Variants in COL4A1 observed in about 807,000 individuals in gnomAD.
COL4A1 encodes the protein collagen alpha-1(IV) chain.
Under a neutral mutation model 216.6 loss-of-function variants are expected in COL4A1, and 40 were observed. The ratio of observed to expected loss-of-function variants is 0.18; its 90% CI spans 0.14 to 0.24. COL4A1 has a LOEUF of 0.24. Among genes scored for constraint, COL4A1 ranks in the 10% least tolerant of loss-of-function variants. The probability of loss-of-function intolerance (pLI) is 1.00; values close to 1 mark genes in which losing one functional copy is unlikely to be tolerated. For synonymous variants in COL4A1, 839 were observed against 810.7 expected (o/e 1.03, Z -0.59); for missense variants, 1,628 against 2,196.8 (o/e 0.74, Z 5.18).
chr13:110,222,690 A>G (rs569717095), intron 2 of COL4A1, among the ~76,000 whole-genome samples: 29 of 142,122 alleles, frequency 2.0e-4, no homozygotes, highest in South Asian at 9.7e-4. Flanking sequence ...AGAGAATGGC[A>G]TGAACCAGGG....
chr13:110,282,370 A>G (rs1883665461), intron 1 of COL4A1, among the ~76,000 whole-genome samples: 1 of 152,176 alleles, frequency 6.6e-6, no homozygotes. Context: ...ACTCTTAGGT[A>G]TTATCACTTT....
Position 110,186,644 on chromosome 13 carries a change from T to A in COL4A1, c.1729-91A>T, listed in dbSNP as rs116821113. ...TCTTCTGACATTTGTGGTCAATAAG[T>A]ACTAGAGTTAACTGGCTCACACTAT... On this transcript the variant is annotated intron_variant, in intron 25 of 51. Coordinates refer to ENST00000375820, the MANE Select transcript of COL4A1 (RefSeq NM_001845.6). 1,479 of 1,491,836 alleles carry A rather than the reference T, an allele frequency of 9.9e-4. 14 individuals carry two copies. In the African/African-American group the frequency reaches 0.019, roughly 19 times the overall value. The allele number at this position is 1,491,836 out of a possible 1,614,324, so 92.4% of individuals were successfully genotyped here. A position where few individuals can be genotyped will look rare whatever the true frequency, so the allele number is the denominator to read the frequency against.
chr13:110,228,696 C>A (rs1462003573), intron 2 of COL4A1, among the ~76,000 whole-genome samples: 1 of 152,214 alleles, frequency 6.6e-6, no homozygotes, highest in Admixed American at 6.5e-5. Flanking sequence ...GGTTCACGGC[C>A]TTATCCAATA....
At chr13:110,238,006 TAGAC>T (rs928270070) in intron 2 of COL4A1, among the ~76,000 whole-genome samples, 1 of 152,232 alleles carries the variant, frequency 6.6e-6, no homozygotes, top group African/African-American at 2.4e-5. Flanking sequence ...ATACACATTT[TAGAC>T]AGACAGATAG....
intron 1 of COL4A1, among the ~76,000 whole-genome samples, chr13:110,292,611 G>A (rs1031804323): frequency 3.3e-5 from 5 of 152,192 alleles, no homozygotes; most frequent in African/African-American, 9.7e-5. Flanking sequence ...GGGAGGCAAG[G>A]CATGTCTTAC....
chr13:110,227,387 GACACACACACACAC>G (rs373355054), intron 2 of COL4A1, among the ~76,000 whole-genome samples: 6 of 138,774 alleles, frequency 4.3e-5, no homozygotes, highest in Admixed American at 7.3e-5. Context: ...GGGTACGGTA[GACACACACACACAC>G]ACACACACAC....
rs754872910 is a variant in COL4A1 at position 110,162,218 on chromosome 13, C to T, written c.4462+12G>A. On this transcript the variant is annotated intron_variant, in intron 48 of 51. Transcript: ENST00000375820. ...TACACTGAATGAATGCATGGATCTGCAGGCTTCTTACCCAAGTCCTGGCCA... is the reference window on the plus strand; with the variant it reads ...TACACTGAATGAATGCATGGATCTGTAGGCTTCTTACCCAAGTCCTGGCCA... 3.1e-6 allele frequency: 5 copies of T among 1,612,240 alleles called. No homozygotes were observed. In the Admixed American group the frequency reaches 5.0e-5, roughly 16 times the overall value.
chr13:110,206,603 C>T, intron 15 of COL4A1, 62 bp downstream of exon 15: 1 of 1,559,192 alleles, frequency 6.4e-7, no homozygotes, highest in Non-Finnish European at 8.8e-7. Flanking sequence ...TTCTGTGAAT[C>T]TGCGATTTTC....
chr13:110,183,221 T>A lies in COL4A1; in HGVS notation c.1953A>T (p.Glu651Asp). The A allele has an allele frequency of 6.2e-7, 1 of 1,613,840 alleles. No individual in the cohort carries two copies. The highest frequency in any genetic ancestry group is 1.1e-5 in the South Asian group (1 of 91,050). ...IVPLPGPPGA[E>D]GLPGSPGFPG... ...GGAAGCCTGGGGACCCCGGCAGTCC[T>A]TCTGCTCCAGGGGGGCCTGGTAAAG... is the stretch of plus-strand genomic sequence containing the variant. The change falls in exon 27 of 52, where the codon GAA (glutamate) becomes GAT (aspartate). Residue 651 changes from glutamate (E) to aspartate (D), a missense_variant. Around this residue, in one of 8 missense-constraint regions of COL4A1, gnomAD observed 701 missense variants for 892.5 expected, o/e 0.79. Transcript: ENST00000375820.
chr13:110,152,414 A>T lies in COL4A1; in HGVS notation c.4848T>A (p.Cys1616Ter). The T allele has an allele frequency of 6.2e-7, 1 of 1,614,208 alleles. No homozygotes were observed. The highest frequency in any genetic ancestry group is 8.5e-7 in the Non-Finnish European group (1 of 1,180,048). The change falls in exon 51 of 52, where the codon TGT becomes TGA. Residue 1616 changes from cysteine to a stop codon, truncating the protein, a stop_gained. Transcript: ENST00000375820. LOFTEE classifies it high-confidence loss of function. ...EEFRSAPFIE[C>*]HGRGTCNYYA... is the part of the protein sequence containing the mutation. ...AGTAATTGCAGGTCCCACGGCCGTG[A>T]CACTCGATGAATGGCGCACTTCTAA...
chr13:110,248,123 T>A (rs1881911249), intron 1 of COL4A1, among the ~76,000 whole-genome samples: 1 of 152,168 alleles, frequency 6.6e-6, no homozygotes, highest in Admixed American at 6.5e-5. Flanking sequence ...TGTGCAAAAA[T>A]GTCAAAATAC....
At chr13:110,269,035 A>G (rs1306186198) in intron 1 of COL4A1, among the ~76,000 whole-genome samples, 1 of 152,232 alleles carries the variant, frequency 6.6e-6, no homozygotes, top group Non-Finnish European at 1.5e-5. Flanking sequence ...CAGGCTCACC[A>G]CGATGACCCG....
intron 10 of COL4A1, among the ~76,000 whole-genome samples, chr13:110,209,665 G>A (rs1363761874): frequency 6.6e-6 from 1 of 152,156 alleles, no homozygotes; most frequent in Non-Finnish European, 1.5e-5. Flanking sequence ...GGCACAGCCT[G>A]TCTGTCCATC....
At chr13:110,189,752 T>C (rs1878551750) in intron 24 of COL4A1, among the ~76,000 whole-genome samples, 1 of 152,224 alleles carries the variant, frequency 6.6e-6, no homozygotes. Flanking sequence ...GCCTCCTCTA[T>C]GCGGCCTTTC....
intron 1 of COL4A1, chr13:110,265,306 A>G (rs1039882293): frequency 2.0e-5 from 3 of 152,258 alleles, no homozygotes; most frequent in African/African-American, 7.2e-5. Context: ...TACGAAGGCA[A>G]TTTGAGTACA....
At chr13:110,217,852 G>A (rs1880164779) in intron 2 of COL4A1, among the ~76,000 whole-genome samples, 1 of 152,184 alleles carries the variant, frequency 6.6e-6, no homozygotes, top group African/African-American at 2.4e-5. Flanking sequence ...GCATGAAATA[G>A]GGTTTCATGC....
At chr13:110,180,522 G>A (rs1460987645) in intron 29 of COL4A1, among the ~76,000 whole-genome samples, 3 of 152,376 alleles carry the variant, frequency 2.0e-5, no homozygotes, top group Admixed American at 1.3e-4. Flanking sequence ...CACTGGCAAC[G>A]TTTATCGATG....
chr13:110,222,168 T>C (rs1446102793), intron 2 of COL4A1, among the ~76,000 whole-genome samples: 2 of 152,124 alleles, frequency 1.3e-5, no homozygotes, highest in African/African-American at 4.8e-5. Context: ...TCGAGAGCGC[T>C]GCCTTCATGT....
chr13:110,206,673 C>G lies in COL4A1; in HGVS notation c.850G>C (p.Gly284Arg), dbSNP rs1003827074. 1 of 1,614,206 alleles carries G rather than the reference C, an allele frequency of 6.2e-7. No individual in the cohort carries two copies. Among genetic ancestry groups the G allele is most frequent in the Admixed American group, 1.7e-5 (1 of 60,024 alleles). ...VGEKGEPGKPGPRGKPGKDGD... is the reference protein window; with the variant it reads ...VGEKGEPGKPRPRGKPGKDGD... ...CTTTGGAAAGCACTTACTCTGGGTC[C>G]TGGTTTTCCGGGTTCACCTTTCTCT... Residue 284 changes from glycine (G) to arginine (R), a missense_variant, in exon 15 of 52, where the codon GGA (glycine) becomes CGA (arginine). Gly to Arg is a moderately radical substitution (Grantham distance 125). This residue lies in a region of COL4A1 where 701 missense variants were observed against 892.5 expected (regional missense o/e 0.79). Coordinates refer to ENST00000375820, the MANE Select transcript of COL4A1 (RefSeq NM_001845.6).
Sources: allele counts gnomAD v4.1 joint callset (sites outside exome capture counted in the v4.1 genomes callset), GRCh38; gene constraint gnomAD v4.1.1; regional missense constraint gnomAD v4.1.1; transcripts MANE v1.5; gene names NCBI Gene and HGNC (gene_info 2026-07-23, HGNC 2026-07-21).